Variants in GBP6 observed in about 807,000 individuals in gnomAD.
GBP6 encodes the protein guanylate-binding protein 6.
In GBP6, 54 loss-of-function variants were observed where a neutral mutation model predicts 61.5. The ratio of observed to expected loss-of-function variants is 0.88; its 90% confidence interval spans 0.71 to 1.10. The LOEUF is 1.10. GBP6 is among the 50% of genes least tolerant of loss of function. The pLI, the probability that GBP6 is intolerant of heterozygous loss-of-function variation, is 0.00. For missense variants in GBP6, 748 were observed against 752.8 expected, an observed-to-expected ratio of 0.99 and a Z score of 0.07; for synonymous variants, 255 against 273.7, an observed-to-expected ratio of 0.93 and a Z score of 0.67.
intron 3 of GBP6, among the ~76,000 whole-genome samples, chr1:89,373,485 A>T (rs956210975): frequency 6.6e-6 from 1 of 152,238 alleles, no homozygotes; most frequent in African/African-American, 2.4e-5. Flanking sequence ...CTATGCAGCC[A>T]TAAAAAATGA....
chr1:89,374,877 G>T (rs967994794), intron 3 of GBP6, among the ~76,000 whole-genome samples: 3 of 151,774 alleles, frequency 2.0e-5, no homozygotes, highest in Non-Finnish European at 4.4e-5. Flanking sequence ...CAGGTATTAA[G>T]CCTAGTATCC....
Position 89,382,716 on chromosome 1 carries a change from C to T in GBP6, c.1205C>T (p.Ser402Phe). The T allele has an allele frequency of 1.2e-6, 2 of 1,614,166 alleles. No homozygotes were observed. The highest frequency in any genetic ancestry group is 1.7e-6 in the Non-Finnish European group (2 of 1,180,002). The part of the protein sequence containing the change: ...GDFLLQNEES[S>F]VQYCQAKLNE... ...TTCTTGCTGCAGAATGAAGAGTCATCTGTTCAATACTGCCAGGCTAAACTC... is the reference window on the plus strand; with the variant it reads ...TTCTTGCTGCAGAATGAAGAGTCATTTGTTCAATACTGCCAGGCTAAACTC... The change falls in exon 8 of 11, where the codon TCT (serine) becomes TTT (phenylalanine). Residue 402 changes from serine to phenylalanine, a missense_variant. Physicochemically the swap from Ser to Phe is radical, Grantham distance 155. Coordinates refer to ENST00000370456, the MANE Select transcript of GBP6 (RefSeq NM_198460.3).
intron 3 of GBP6, among the ~76,000 whole-genome samples, chr1:89,377,869 T>C (rs1652849326): frequency 1.3e-5 from 2 of 152,232 alleles, no homozygotes; most frequent in African/African-American, 4.8e-5. Flanking sequence ...ATATGCATCT[T>C]ATTTCATCCA....
intron 3 of GBP6, among the ~76,000 whole-genome samples, chr1:89,371,113 A>G (rs571120267): frequency 6.6e-6 from 1 of 152,282 alleles, no homozygotes; most frequent in African/African-American, 2.4e-5. Flanking sequence ...TCTATGTCTG[A>G]CTTATTTCAC....
At chr1:89,373,425 T>C (rs1570463945) in intron 3 of GBP6, among the ~76,000 whole-genome samples, 1 of 152,148 alleles carries the variant, frequency 6.6e-6, no homozygotes, top group East Asian at 1.9e-4. Context: ...CAGATGTCCA[T>C]CAGTGATAGA....
chr1:89,377,440 A>G (rs1290610144), intron 3 of GBP6, among the ~76,000 whole-genome samples: 2 of 152,288 alleles, frequency 1.3e-5, no homozygotes, highest in African/African-American at 4.8e-5. Context: ...AAACCCTCAT[A>G]TCACATACAC....
At chr1:89,373,218 G>C (rs1482071497) in intron 3 of GBP6, among the ~76,000 whole-genome samples, 1 of 152,184 alleles carries the variant, frequency 6.6e-6, no homozygotes, top group African/African-American at 2.4e-5. Context: ...CTGTTGGTGG[G>C]ACCGTAAACT....
intron 1 of GBP6, 131 bp downstream of exon 1, chr1:89,364,258 GC>G: frequency 6.6e-6 from 1 of 152,430 alleles, no homozygotes; most frequent in Non-Finnish European, 1.5e-5. Context: ...TCTGTGGCTG[GC>G]TTTAGTTCTG....
chr1:89,381,492 T>C (rs139712086), intron 6 of GBP6, among the ~76,000 whole-genome samples: 1,795 of 152,202 alleles, frequency 0.012, 22 homozygotes, highest in Middle Eastern at 0.02. Flanking sequence ...TTTTTAGCAC[T>C]GTGGACTGGA....
At chr1:89,378,661 C>T (rs774870166) in intron 5 of GBP6, 48 bp downstream of exon 5, 1 of 1,351,006 alleles carries the variant, frequency 7.4e-7, no homozygotes, top group South Asian at 1.3e-5. Flanking sequence ...GGTGTGTGAT[C>T]TGCTAAACAC....
At chr1:89,368,234 C>T (rs1386252627) in intron 1 of GBP6, among the ~76,000 whole-genome samples, 1 of 152,170 alleles carries the variant, frequency 6.6e-6, no homozygotes, top group Non-Finnish European at 1.5e-5. Flanking sequence ...GGGTTGGATA[C>T]TTAAGGCATG....
rs750961119 is a variant in GBP6, at chr1:89,369,571, G to T, written c.216G>T (p.Gln72His). The part of the protein sequence containing the change: ...NHGFPLGSTV[Q>H]SETKGIWMWC... ...GCTTCCCTCTGGGCTCCACGGTGCA[G>T]TCTGAAACCAAGGGCATCTGGATGT... Residue 72 changes from glutamine (Q) to histidine (H), a missense_variant, in exon 3 of 11, where the codon CAG (glutamine) becomes CAT (histidine). Physicochemically the swap from Gln to His is conservative, Grantham distance 24. Coordinates refer to ENST00000370456, the MANE Select transcript of GBP6 (RefSeq NM_198460.3). 5 of 1,614,076 alleles carry T rather than the reference G, an allele frequency of 3.1e-6. No individual in the cohort carries two copies.
rs144613226 is a variant in GBP6 at position 89,373,643 on chromosome 1, C to T, written c.318+3970C>T. The stretch of plus-strand genomic sequence containing the variant: ...AAACACTTGGACACAGGGTGGGGAA[C>T]ATCACACACCAGGGCCTGTCGTGAG... On this transcript the variant is annotated intron_variant, in intron 3 of 10. Coordinates refer to ENST00000370456, the MANE Select transcript of GBP6 (RefSeq NM_198460.3). 2.5e-4 allele frequency among the ~76,000 whole-genome samples: 38 copies of T among 152,150 alleles called. No individual in the cohort carries two copies. The East Asian group carries it at 7.0e-3, about 28-fold the overall frequency.
At chr1:89,371,791 A>G (rs147874031) in intron 3 of GBP6, among the ~76,000 whole-genome samples, 8,392 of 152,260 alleles carry the variant, frequency 0.055, 437 homozygotes, top group East Asian at 0.27. Flanking sequence ...CCTATTCAAC[A>G]TAGTGTTGGA....
chr1:89,370,143 C>CA (rs930810947), intron 3 of GBP6, among the ~76,000 whole-genome samples: 69 of 152,332 alleles, frequency 4.5e-4, no homozygotes, highest in African/African-American at 1.4e-3. Context: ...GCTAGGCCTT[C>CA]ATCCCTGGTG....
intron 3 of GBP6, among the ~76,000 whole-genome samples, chr1:89,371,508 C>T (rs1652639967): frequency 2.0e-5 from 3 of 152,172 alleles, no homozygotes; most frequent in Non-Finnish European, 4.4e-5. Context: ...GCTGGTTCAA[C>T]ATATGCAAAT....
intron 6 of GBP6, 136 bp downstream of exon 6, chr1:89,380,767 T>G (rs1417697761): frequency 4.1e-6 from 3 of 731,164 alleles, no homozygotes; most frequent in Admixed American, 6.3e-5. Context: ...TGAAGAAATG[T>G]GTATAATTAT....
intron 1 of GBP6, among the ~76,000 whole-genome samples, chr1:89,365,578 T>A (rs907660289): frequency 1.3e-5 from 2 of 152,268 alleles, no homozygotes; most frequent in African/African-American, 4.8e-5. Context: ...TCTTAGTAAC[T>A]TATAGTTTGT....
chr1:89,375,910 A>T (rs1197736193), intron 3 of GBP6, among the ~76,000 whole-genome samples: 1 of 151,894 alleles, frequency 6.6e-6, no homozygotes, highest in Non-Finnish European at 1.5e-5. Flanking sequence ...CTTCTATCTA[A>T]CTAAAATTTT....
Sources: gnomAD v4.1 joint callset for allele counts (sites outside exome capture counted in the v4.1 genomes callset) on GRCh38, gnomAD v4.1.1 for gene constraint, MANE v1.5 for transcripts, NCBI Gene and HGNC (gene_info 2026-07-23, HGNC 2026-07-21) for gene names.